Variants in TBXAS1 observed in about 807,000 individuals in gnomAD.
TBXAS1 encodes thromboxane A synthase 1, also known as thromboxane-A synthase.
TBXAS1 carries 48 observed loss-of-function variants against 60.7 expected under a neutral mutation model. The observed-to-expected ratio is 0.79, with a 90% CI of 0.63 to 1.01. TBXAS1 has a LOEUF of 1.01. Ranked by LOEUF, TBXAS1 falls within the 50% of genes least tolerant of loss-of-function variation. TBXAS1 has a pLI of 0.00. For synonymous variants in TBXAS1, 287 were observed against 269.7 expected (o/e 1.06, Z -0.63); for missense variants, 685 against 686.3 (o/e 1.00, Z 0.02).
intron 7 of TBXAS1, 68 bp downstream of exon 7, chr7:139,955,675 G>A: frequency 6.2e-7 from 1 of 1,605,222 alleles, no homozygotes; most frequent in Non-Finnish European, 8.5e-7. Flanking sequence ...ATGACACCTG[G>A]GGTGGCTTCT....
At chr7:139,948,413 A>G (rs1169247756) in intron 5 of TBXAS1, among the ~76,000 whole-genome samples, 3 of 152,194 alleles carry the variant, frequency 2.0e-5, no homozygotes, top group African/African-American at 7.2e-5. Context: ...TTACTTCCTT[A>G]GAAGCCCTAT....
intron 9 of TBXAS1, among the ~76,000 whole-genome samples, chr7:139,993,441 C>T (rs1193658371): frequency 6.6e-6 from 1 of 152,172 alleles, no homozygotes; most frequent in African/African-American, 2.4e-5. Context: ...ATCAAGGTAT[C>T]CATCAGTGAA....
At chr7:139,969,556 A>C (rs933203235) in intron 9 of TBXAS1, among the ~76,000 whole-genome samples, 1 of 152,116 alleles carries the variant, frequency 6.6e-6, no homozygotes, top group African/African-American at 2.4e-5. Flanking sequence ...GCAGGAAAAA[A>C]AGTGAATAGC....
At chr7:139,825,900 C>T (rs184888672), upstream of TBXAS1, among the ~76,000 whole-genome samples, 4 of 152,300 alleles carry the variant, frequency 2.6e-5, no homozygotes. Context: ...GCATCGTGCT[C>T]TTGGAGATTT....
chr7:139,966,449 G>A (rs1280756237), intron 9 of TBXAS1, among the ~76,000 whole-genome samples: 1 of 152,168 alleles, frequency 6.6e-6, no homozygotes, highest in Non-Finnish European at 1.5e-5. Context: ...TTGATTCAGG[G>A]GCTCAAGCCC....
At chr7:139,877,405 T>G (rs907150835) in intron 3 of TBXAS1, among the ~76,000 whole-genome samples, 2 of 152,160 alleles carry the variant, frequency 1.3e-5, no homozygotes, top group African/African-American at 2.4e-5. Flanking sequence ...TGCTTTTTGT[T>G]TTTGTTTTTT....
chr7:140,015,405 C>G (rs1002080520), intron 10 of TBXAS1, among the ~76,000 whole-genome samples: 1 of 152,154 alleles, frequency 6.6e-6, no homozygotes, highest in African/African-American at 2.4e-5. Flanking sequence ...AGTTTGCACC[C>G]CGACATGGGG....
intron 1 of TBXAS1, among the ~76,000 whole-genome samples, chr7:139,847,545 C>G (rs1585620756): frequency 1.3e-5 from 2 of 152,134 alleles, no homozygotes; most frequent in East Asian, 3.8e-4. Flanking sequence ...AACCAACCAA[C>G]CAATCAACCA....
At chr7:139,984,693 G>GA (rs1812257711) in intron 9 of TBXAS1, among the ~76,000 whole-genome samples, 1 of 98,164 alleles carries the variant, frequency 1.0e-5, no homozygotes, top group Non-Finnish European at 2.2e-5. Context: ...AAGAAAGAAA[G>GA]AAGAAAGAAA....
chr7:139,914,857 T>A (rs1247120765), intron 4 of TBXAS1, among the ~76,000 whole-genome samples: 1 of 152,236 alleles, frequency 6.6e-6, no homozygotes, highest in African/African-American at 2.4e-5. Context: ...ATCTTGTATT[T>A]TTTTTAAACC....
Position 139,874,320 on chromosome 7 carries a change from G to A in TBXAS1, c.184-1265G>A, listed in dbSNP as rs80286594. Among the ~76,000 whole-genome samples the A allele has an allele frequency of 1.6e-4, 25 of 152,212 alleles. No individual in the cohort carries two copies. In the East Asian group the frequency reaches 2.3e-3, roughly 14 times the overall value. On this transcript the variant is annotated intron_variant, in intron 2 of 12. Transcript: ENST00000448866. Reference sequence around the variant, plus strand: ...GGGGGGAAATGATCAGTTGTATTCCGTGGAATAATTAATTTGGTATTAACA... The same window carrying A: ...GGGGGGAAATGATCAGTTGTATTCCATGGAATAATTAATTTGGTATTAACA...
In TBXAS1 at chr7:139,936,187, A is replaced by G. The variant is rs1291090140; in HGVS notation, c.334-4A>G. On this transcript the variant is annotated splice_polypyrimidine_tract_variant and splice_region_variant and intron_variant, in intron 4 of 12. Transcript: ENST00000448866. ...CTGACCCTCTGCTTGTTACTTCCCAACAGGCGTCGGGTTTGGAGTTCAAGT... is the reference window on the plus strand; with the variant it reads ...CTGACCCTCTGCTTGTTACTTCCCAGCAGGCGTCGGGTTTGGAGTTCAAGT... The G allele has an allele frequency of 6.2e-7, 1 of 1,613,920 alleles. No homozygotes were observed. Among genetic ancestry groups the G allele is most frequent in the Non-Finnish European group, 8.5e-7 (1 of 1,180,010 alleles).
rs372503987 is a variant in TBXAS1 at position 140,015,774 on chromosome 7, C to G, written c.1278C>G (p.Pro426=). The change falls in exon 11 of 13, where the codon CCC becomes CCG. Residue 426 remains proline, a synonymous_variant. Coordinates refer to ENST00000448866, the MANE Select transcript of TBXAS1 (RefSeq NM_001061.7). ...QDCEVLGQRI[P]AGAVLEMAVG... ...GCGAGGTGCTGGGGCAGCGCATCCC[C>G]GCAGGCGCTGTGCTAGAGATGGCCG... 1.2e-6 allele frequency: 2 copies of G among 1,613,568 alleles called. No individual in the cohort carries two copies. The highest frequency in any genetic ancestry group is 1.7e-5 in the Admixed American group (1 of 60,024).
intron 1 of TBXAS1, among the ~76,000 whole-genome samples, chr7:139,840,128 C>T (rs1799338633): frequency 6.6e-6 from 1 of 152,042 alleles, no homozygotes; most frequent in Admixed American, 6.5e-5. Flanking sequence ...CTTAAGTTTA[C>T]CACTATGCCT....
chr7:139,961,989 T>C lies in TBXAS1; in HGVS notation c.890T>C (p.Phe297Ser). 1 of 1,614,274 alleles carries C rather than the reference T, an allele frequency of 6.2e-7. No individual in the cohort carries two copies. Among genetic ancestry groups the C allele is most frequent in the Non-Finnish European group, 8.5e-7 (1 of 1,180,046 alleles). The change falls in exon 9 of 13, where the codon TTT becomes TCT. Residue 297 changes from phenylalanine to serine, a missense_variant. Coordinates refer to ENST00000448866, the MANE Select transcript of TBXAS1 (RefSeq NM_001061.7). Reference sequence around the variant, plus strand: ...GCAAGTCCCATGGGCGTGCAAGACTTTGACATCGTCAGAGACGTTTTCTCC... The same window carrying C: ...GCAAGTCCCATGGGCGTGCAAGACTCTGACATCGTCAGAGACGTTTTCTCC... ...HSASPMGVQD[F>S]DIVRDVFSST...
intron 4 of TBXAS1, among the ~76,000 whole-genome samples, chr7:139,920,787 C>T (rs1385478117): frequency 1.3e-5 from 2 of 152,206 alleles, no homozygotes; most frequent in African/African-American, 4.8e-5. Context: ...CTTCATTACA[C>T]ATCACAGTAG....
intron 5 of TBXAS1, among the ~76,000 whole-genome samples, chr7:139,941,546 C>G (rs891058136): frequency 1.3e-5 from 2 of 151,968 alleles, no homozygotes; most frequent in African/African-American, 4.8e-5. Flanking sequence ...GGAATCATAG[C>G]CAGCGACAAA....
chr7:139,824,569 G>A (rs181488912), upstream of TBXAS1, among the ~76,000 whole-genome samples: 42 of 152,270 alleles, frequency 2.8e-4, no homozygotes, highest in South Asian at 4.1e-4. Context: ...AGCAAACGGC[G>A]TTATGTCTCT....
At chr7:139,958,442 G>A (rs145544131) in intron 8 of TBXAS1, among the ~76,000 whole-genome samples, 1 of 152,324 alleles carries the variant, frequency 6.6e-6, no homozygotes, top group East Asian at 1.9e-4. Flanking sequence ...TTCAATACTG[G>A]ATATGCATAT....
Sources: gnomAD v4.1 joint callset for allele counts (sites outside exome capture counted in the v4.1 genomes callset) on GRCh38, gnomAD v4.1.1 for gene constraint, MANE v1.5 for transcripts, NCBI Gene and HGNC (gene_info 2026-07-23, HGNC 2026-07-21) for gene names.